Variants in CD55 observed in about 807,000 individuals in gnomAD.
CD55 encodes CD55 molecule (Cromer blood group).
In CD55, 41 loss-of-function variants were observed where a neutral mutation model predicts 45.8. The observed-to-expected ratio is 0.90, with a 90% CI of 0.70 to 1.16. CD55 has a LOEUF of 1.16. CD55 is among the 50% of genes most tolerant of loss of function. CD55 has a pLI of 0.00. For missense variants in CD55, 416 were observed against 469.8 expected, an observed-to-expected ratio of 0.89 and a Z score of 1.06; for synonymous variants, 181 against 181.1, an observed-to-expected ratio of 1.00 and a Z score of 0.01.
chr1:207,357,958 G>GTC (rs567942535), intron 9 of CD55, among the ~76,000 whole-genome samples: 6 of 151,930 alleles, frequency 3.9e-5, no homozygotes, highest in East Asian at 1.9e-4. Context: ...TGTGAATGGG[G>GTC]TCTCTCTCTC....
chr1:207,355,471 A>G (rs1290251030), intron 9 of CD55, among the ~76,000 whole-genome samples: 3 of 152,160 alleles, frequency 2.0e-5, no homozygotes, highest in Non-Finnish European at 4.4e-5. Context: ...TTGACCAATT[A>G]TTTGCTGTTG....
In CD55 at chr1:207,321,872, A is replaced by AG; in HGVS notation, c.100+11dup. On this transcript the variant is annotated splice_region_variant and intron_variant, in intron 1 of 9. Coordinates refer to ENST00000367064, the MANE Select transcript of CD55 (RefSeq NM_000574.5). Reference sequence around the variant, plus strand: ...TGCCTGCCGGCCGTGTGGGGTGAGTAGGGGCCCGGCGGCCGGGGAAGCCCC... The same window carrying AG: ...TGCCTGCCGGCCGTGTGGGGTGAGTAGGGGGCCCGGCGGCCGGGGAAGCCCC... 3 of 1,515,552 alleles carry AG rather than the reference A, an allele frequency of 2.0e-6. No individual in the cohort carries two copies. Among genetic ancestry groups the AG allele is most frequent in the Non-Finnish European group, 2.6e-6 (3 of 1,135,890 alleles). The allele number at this position is 1,515,552 out of a possible 1,614,324, so 93.9% of individuals were successfully genotyped here.
chr1:207,353,520 G>A (rs910453756), intron 9 of CD55, among the ~76,000 whole-genome samples: 8 of 152,114 alleles, frequency 5.3e-5, no homozygotes, highest in Non-Finnish European at 2.9e-5. Context: ...GCTATTTGAA[G>A]TTAATAAGAT....
At chr1:207,333,215 T>G (rs1655025069) in intron 6 of CD55, among the ~76,000 whole-genome samples, 2 of 152,216 alleles carry the variant, frequency 1.3e-5, no homozygotes, top group Admixed American at 1.3e-4. Context: ...GTCTCCCCTT[T>G]AGCACATCTG....
chr1:207,332,061 A>G (rs1168746218), intron 6 of CD55, among the ~76,000 whole-genome samples: 1 of 152,104 alleles, frequency 6.6e-6, no homozygotes, highest in Non-Finnish European at 1.5e-5. Flanking sequence ...AGTGTTATAC[A>G]TAGACATAAT....
intron 9 of CD55, among the ~76,000 whole-genome samples, chr1:207,357,761 G>T (rs945341420): frequency 2.0e-5 from 3 of 152,040 alleles, no homozygotes; most frequent in African/African-American, 4.8e-5. Flanking sequence ...TCCTCGGTTG[G>T]GGGGCAGGGT....
intron 6 of CD55, among the ~76,000 whole-genome samples, chr1:207,332,916 AACCTGG>A (rs1212504267): frequency 6.6e-6 from 1 of 152,192 alleles, no homozygotes; most frequent in Non-Finnish European, 1.5e-5. Context: ...GCTGATTCTG[AACCTGG>A]ACTAAGGATT....
intron 9 of CD55, chr1:207,354,271 C>A (rs1655998471): frequency 1.0e-6 from 1 of 982,240 alleles, no homozygotes; most frequent in Non-Finnish European, 1.2e-6. Context: ...GTGAGTTTTT[C>A]TATGGCAATA....
chr1:207,328,156 G>C lies in CD55; in HGVS notation c.664+1319G>C, dbSNP rs138945325. On this transcript the variant is annotated intron_variant, in intron 5 of 9. Coordinates refer to ENST00000367064, the MANE Select transcript of CD55 (RefSeq NM_000574.5). Reference sequence around the variant, plus strand: ...GCTTGCACATCTAGGCCACAGCCTTGCTTCCCTATCTGGTGTCTTGAACTC... The same window carrying C: ...GCTTGCACATCTAGGCCACAGCCTTCCTTCCCTATCTGGTGTCTTGAACTC... 4.2e-3 allele frequency among the ~76,000 whole-genome samples: 639 copies of C among 152,242 alleles called. 7 individuals are homozygous for C. Among genetic ancestry groups the C allele is most frequent in the African/African-American group, 0.014 (592 of 41,544 alleles).
chr1:207,324,705 T>A lies in CD55; in HGVS notation c.433T>A (p.Cys145Ser). Residue 145 changes from cysteine (C) to serine (S), a missense_variant, in exon 3 of 10, where the codon TGC becomes AGC. This residue lies in a region of CD55 where 111 missense variants were observed against 163.4 expected (regional missense o/e 0.68). Coordinates refer to ENST00000367064, the MANE Select transcript of CD55 (RefSeq NM_000574.5). The stretch of plus-strand genomic sequence containing the variant: ...ACCTTCTCTATCACCAAAACTAACT[T>A]GCCTTCAGAATTTAAAATGGTCCAC... ...REPSLSPKLTCLQNLKWSTAV... is the reference protein window; with the variant it reads ...REPSLSPKLTSLQNLKWSTAV... 12 of 1,613,464 alleles carry A rather than the reference T, an allele frequency of 7.4e-6. No individual in the cohort carries two copies. Among genetic ancestry groups the A allele is most frequent in the Non-Finnish European group, 1.0e-5 (12 of 1,179,730 alleles).
chr1:207,324,792 T>TG lies in CD55; in HGVS notation c.478+47dup, dbSNP rs367687292. 8.9e-4 allele frequency: 1,132 copies of TG among 1,272,314 alleles called. 11 individuals are homozygous for TG. The African/African-American group carries it at 0.014, about 16-fold the overall frequency. The allele number at this position is 1,272,314 out of a possible 1,614,324, so 78.8% of individuals were successfully genotyped here. A position where few individuals can be genotyped will look rare whatever the true frequency, so the allele number is the denominator to read the frequency against. ...AAAGTATTTTCAACCATCTGGTGTT[T>TG]GGGGGAAATAGTATCCCTTCCTTCA... On this transcript the variant is annotated intron_variant, in intron 3 of 9. Transcript: ENST00000367064.
intron 1 of CD55, among the ~76,000 whole-genome samples, chr1:207,322,080 G>A (rs1488399213): frequency 2.0e-5 from 3 of 152,208 alleles, no homozygotes; most frequent in Non-Finnish European, 2.9e-5. Flanking sequence ...TTAGGGGTCG[G>A]CGTGGAGGGT....
At chr1:207,321,981 C>A in intron 1 of CD55, 116 bp downstream of exon 1, 1 of 704,452 alleles carries the variant, frequency 1.4e-6, no homozygotes, top group Non-Finnish European at 2.3e-6. Context: ...GGCCCGCGGT[C>A]GTGGTTCCCG....
At chr1:207,337,089 C>T (rs1655211676) in intron 7 of CD55, 1 of 605,890 alleles carries the variant, frequency 1.7e-6, no homozygotes, top group South Asian at 2.0e-5. Context: ...AAATCCCCAG[C>T]AGCAGCTCAG....
chr1:207,353,040 GTTTTTTTT>G (rs386369456), intron 9 of CD55, among the ~76,000 whole-genome samples: 5 of 47,418 alleles, frequency 1.1e-4, no homozygotes, highest in South Asian at 1.1e-3. Flanking sequence ...CTATTACCAG[GTTTTTTTT>G]TTTTTTTTTT....
At chr1:207,326,628 C>G in intron 4 of CD55, 124 bp from the exon 5 acceptor site, 2 of 702,150 alleles carry the variant, frequency 2.8e-6, no homozygotes, top group South Asian at 3.6e-5. Flanking sequence ...GGACTTTTAT[C>G]AACTACTGTT....
intron 8 of CD55, among the ~76,000 whole-genome samples, chr1:207,338,412 G>A (rs1178183782): frequency 2.6e-5 from 4 of 151,890 alleles, no homozygotes; most frequent in South Asian, 2.1e-4. Flanking sequence ...GGTTGAACAC[G>A]TCCAGTTTTT....
At position 207,346,649 on chromosome 1, in the gene CD55, C is replaced by G. The variant is rs186895382; in HGVS notation, c.1081+7232C>G. Among the ~76,000 whole-genome samples, 42 of 152,286 alleles carry G rather than the reference C, an allele frequency of 2.8e-4. 1 individual carries two copies. The highest frequency in any genetic ancestry group is 2.9e-5 in the Non-Finnish European group (2 of 68,022). ...TTTGTCCTCAGGGAACCAGAAAATG[C>G]CTGGCTGCTCCTCTATTGGGGGTGT... On this transcript the variant is annotated intron_variant, in intron 9 of 9. Transcript: ENST00000367064.
chr1:207,332,678 A>G (rs889348923), intron 6 of CD55, among the ~76,000 whole-genome samples: 1 of 152,194 alleles, frequency 6.6e-6, no homozygotes, highest in Non-Finnish European at 1.5e-5. Context: ...TTAAATGATC[A>G]GTTATTTAGA....
Sources: allele counts gnomAD v4.1 joint callset (sites outside exome capture counted in the v4.1 genomes callset), GRCh38; gene constraint gnomAD v4.1.1; regional missense constraint gnomAD v4.1.1; transcripts MANE v1.5; gene names NCBI Gene and HGNC (gene_info 2026-07-23, HGNC 2026-07-21).